The following ME3 variants were observed in gnomAD, a reference collection of about 807,000 sequenced individuals.
The protein encoded by ME3 is malic enzyme 3.
A neutral mutation model predicts 68.9 loss-of-function variants in ME3; 48 were observed. That is an observed-to-expected ratio of 0.70 (90% CI 0.55 to 0.89). ME3 has a LOEUF of 0.89. Ranked by LOEUF, ME3 falls within the 40% of genes least tolerant of loss-of-function variation. The probability of loss-of-function intolerance (pLI) is 0.00; values close to 1 mark genes in which losing one functional copy is unlikely to be tolerated. For synonymous variants in ME3, 320 were observed against 318.8 expected, an observed-to-expected ratio of 1.00 and a Z score of -0.04; for missense variants, 675 against 797.4, an observed-to-expected ratio of 0.85 and a Z score of 1.85.
chr11:86,654,232 C>T (rs1293406638), intron 2 of ME3, among the ~76,000 whole-genome samples: 1 of 152,190 alleles, frequency 6.6e-6, no homozygotes, highest in Non-Finnish European at 1.5e-5. Flanking sequence ...GGGAATCCTC[C>T]CTAACTCATT....
At chr11:86,645,952 A>G (rs1944982978) in intron 2 of ME3, among the ~76,000 whole-genome samples, 1 of 152,230 alleles carries the variant, frequency 6.6e-6, no homozygotes, top group Non-Finnish European at 1.5e-5. Flanking sequence ...AGACCTGCAG[A>G]AGAGCGACCT....
chr11:86,505,195 C>T (rs529292349), intron 5 of ME3, among the ~76,000 whole-genome samples: 1 of 151,668 alleles, frequency 6.6e-6, no homozygotes, highest in Non-Finnish European at 1.5e-5. Flanking sequence ...CTGAAAAATA[C>T]ACATCAGAAA....
At chr11:86,664,557 T>C (rs1312946551) in intron 2 of ME3, among the ~76,000 whole-genome samples, 1 of 152,184 alleles carries the variant, frequency 6.6e-6, no homozygotes, top group Non-Finnish European at 1.5e-5. Context: ...CCATTCCATA[T>C]TTCCTTGATT....
chr11:86,594,546 T>C (rs1479334016), intron 2 of ME3, among the ~76,000 whole-genome samples: 5 of 144,946 alleles, frequency 3.4e-5, no homozygotes, highest in Non-Finnish European at 7.5e-5. Context: ...AATAAAAAAA[T>C]CAGCCAGGTG....
intron 8 of ME3, among the ~76,000 whole-genome samples, chr11:86,453,896 C>T (rs1272483355): frequency 3.3e-5 from 5 of 152,204 alleles, no homozygotes; most frequent in African/African-American, 4.8e-5. Flanking sequence ...TTCCTTTGTT[C>T]CCTTAGCCTC....
intron 2 of ME3, among the ~76,000 whole-genome samples, chr11:86,653,488 A>G (rs1945622047): frequency 6.6e-6 from 1 of 152,236 alleles, no homozygotes; most frequent in Admixed American, 6.5e-5. Flanking sequence ...CCTGCTCCTG[A>G]ATGACTACTG....
intron 2 of ME3, among the ~76,000 whole-genome samples, chr11:86,587,335 A>G (rs988444606): frequency 6.6e-6 from 1 of 152,204 alleles, no homozygotes; most frequent in African/African-American, 2.4e-5. Context: ...GGCAGGCATG[A>G]TGCAGGCAGG....
At chr11:86,525,227 C>A (rs79664461) in intron 4 of ME3, among the ~76,000 whole-genome samples, 6,853 of 152,146 alleles carry the variant, frequency 0.045, 163 homozygotes, top group South Asian at 0.099. Flanking sequence ...TCCAATAGAG[C>A]AGTGACAATT....
At chr11:86,523,053 ACT>A in intron 4 of ME3, among the ~76,000 whole-genome samples, 1 of 151,964 alleles carries the variant, frequency 6.6e-6, no homozygotes, top group Middle Eastern at 3.4e-3. Context: ...TCTTTGCCAA[ACT>A]CTATGGAGGG....
chr11:86,646,339 G>A (rs1254723862), intron 2 of ME3, among the ~76,000 whole-genome samples: 2 of 152,188 alleles, frequency 1.3e-5, no homozygotes, highest in Non-Finnish European at 2.9e-5. Context: ...AGAATAACCA[G>A]TTTAGAGAAG....
At chr11:86,558,700 T>C (rs1957052099) in intron 3 of ME3, among the ~76,000 whole-genome samples, 2 of 152,168 alleles carry the variant, frequency 1.3e-5, no homozygotes, top group Admixed American at 6.5e-5. Context: ...TCTTCCTACA[T>C]TTCTGCTAGA....
intron 2 of ME3, among the ~76,000 whole-genome samples, chr11:86,581,807 A>G (rs1397132931): frequency 2.6e-5 from 4 of 152,066 alleles, no homozygotes; most frequent in African/African-American, 9.7e-5. Flanking sequence ...TCACCACTCA[A>G]CCTATATATG....
At chr11:86,513,945 C>CATCA (rs1953714383) in intron 4 of ME3, among the ~76,000 whole-genome samples, 1 of 152,122 alleles carries the variant, frequency 6.6e-6, no homozygotes, top group South Asian at 2.1e-4. Context: ...TATGGTGGTT[C>CATCA]TGGGTCCCCA....
intron 4 of ME3, among the ~76,000 whole-genome samples, chr11:86,536,346 G>T (rs1955659121): frequency 6.9e-6 from 1 of 144,992 alleles, no homozygotes; most frequent in African/African-American, 2.6e-5. Context: ...GAGTGAACAG[G>T]CAACCTACAG....
At chr11:86,524,468 C>T (rs969902809) in intron 4 of ME3, among the ~76,000 whole-genome samples, 2 of 152,166 alleles carry the variant, frequency 1.3e-5, no homozygotes, top group African/African-American at 4.8e-5. Context: ...GCTAGGAGCT[C>T]AGAACCCTGT....
intron 2 of ME3, among the ~76,000 whole-genome samples, chr11:86,641,064 G>T (rs1033093777): frequency 6.6e-6 from 1 of 151,606 alleles, no homozygotes; most frequent in Non-Finnish European, 1.5e-5. Context: ...AAGGGCATAT[G>T]TGAGTAGATC....
intron 8 of ME3, among the ~76,000 whole-genome samples, chr11:86,451,823 G>A (rs979130158): frequency 4.0e-5 from 6 of 151,736 alleles, no homozygotes; most frequent in African/African-American, 1.5e-4. Flanking sequence ...TTTTAATCAA[G>A]GACTTTAATT....
intron 5 of ME3, among the ~76,000 whole-genome samples, chr11:86,502,158 C>T (rs1952766730): frequency 6.6e-6 from 1 of 152,200 alleles, no homozygotes; most frequent in African/African-American, 2.4e-5. Context: ...TGAATACATG[C>T]CATTTTACTT....
At chr11:86,570,868 AT>A in intron 2 of ME3, among the ~76,000 whole-genome samples, 1 of 152,188 alleles carries the variant, frequency 6.6e-6, no homozygotes. Context: ...CACAGCCAGC[AT>A]GGGGGAGTGG....
Sources: gnomAD v4.1 joint callset for allele counts (sites outside exome capture counted in the v4.1 genomes callset) on GRCh38, gnomAD v4.1.1 for gene constraint, MANE v1.5 for transcripts, NCBI Gene and HGNC (gene_info 2026-07-23, HGNC 2026-07-21) for gene names.